The following SLC35F3 variants were observed in gnomAD, a reference collection of about 807,000 sequenced individuals.
SLC35F3 encodes solute carrier family 35 member F3, also known as putative thiamine transporter SLC35F3.
SLC35F3 carries 25 observed loss-of-function variants against 49.9 expected under a neutral mutation model. The ratio of observed to expected loss-of-function variants is 0.50; its 90% CI spans 0.37 to 0.70. SLC35F3 has a LOEUF of 0.70. SLC35F3 is among the 30% of genes least tolerant of loss of function. The pLI is 0.00. For missense variants in SLC35F3, 525 were observed against 639.8 expected (o/e 0.82, Z 1.94); for synonymous variants, 275 against 265.4 (o/e 1.04, Z -0.35).
intron 2 of SLC35F3, among the ~76,000 whole-genome samples, chr1:234,188,643 C>A (rs1666683422): frequency 6.6e-6 from 1 of 152,156 alleles, no homozygotes; most frequent in South Asian, 2.1e-4. Context: ...AGGGCATATT[C>A]TCTTGGGAGT....
intron 2 of SLC35F3, among the ~76,000 whole-genome samples, chr1:234,098,337 T>TTAG (rs1665158481): frequency 9.1e-6 from 1 of 110,340 alleles, no homozygotes; most frequent in African/African-American, 3.6e-5. Flanking sequence ...GGTGATTGTG[T>TTAG]TGGTGGTGGT....
chr1:234,252,916 T>C (rs1357287126), intron 3 of SLC35F3, among the ~76,000 whole-genome samples: 1 of 152,204 alleles, frequency 6.6e-6, no homozygotes, highest in Non-Finnish European at 1.5e-5. Flanking sequence ...ACGATAAAGT[T>C]TGAACATGAT....
chr1:234,313,976 C>T (rs1249754901), intron 4 of SLC35F3, among the ~76,000 whole-genome samples: 1 of 152,222 alleles, frequency 6.6e-6, no homozygotes, highest in Non-Finnish European at 1.5e-5. Flanking sequence ...CCCTGCTGTG[C>T]TCCACAGGGT....
At chr1:234,322,690 A>G (rs1386102685) in intron 7 of SLC35F3, among the ~76,000 whole-genome samples, 1 of 134,772 alleles carries the variant, frequency 7.4e-6, no homozygotes, top group Non-Finnish European at 1.6e-5. Context: ...TGTGTGTACT[A>G]TCTATCTCTC....
intron 2 of SLC35F3, among the ~76,000 whole-genome samples, chr1:234,076,139 G>A (rs995566992): frequency 2.0e-5 from 3 of 152,024 alleles, no homozygotes; most frequent in Admixed American, 6.5e-5. Context: ...AGGTAATAAT[G>A]GCAATAATTC....
intron 2 of SLC35F3, among the ~76,000 whole-genome samples, chr1:233,942,523 A>G (rs115036819): frequency 0.019 from 2,962 of 152,162 alleles, 48 homozygotes; most frequent in Middle Eastern, 0.051. Flanking sequence ...CTGGGCTCAA[A>G]TAATTCAGCC....
chr1:234,190,927 A>C (rs1008586707), intron 2 of SLC35F3, among the ~76,000 whole-genome samples: 2 of 149,408 alleles, frequency 1.3e-5, no homozygotes, highest in African/African-American at 5.2e-5. Flanking sequence ...AGGAAAGGCT[A>C]GCATGGGGAA....
intron 3 of SLC35F3, among the ~76,000 whole-genome samples, chr1:234,235,912 T>C (rs766188118): frequency 6.6e-5 from 10 of 152,292 alleles, no homozygotes; most frequent in Middle Eastern, 3.4e-3. Context: ...TTATCGGCCA[T>C]TTAAAATCTA....
intron 2 of SLC35F3, among the ~76,000 whole-genome samples, chr1:233,971,293 G>A (rs990928213): frequency 1.3e-5 from 2 of 152,196 alleles, no homozygotes; most frequent in Non-Finnish European, 2.9e-5. Context: ...ACCTCATTAC[G>A]AAGGAGAAGA....
chr1:234,201,928 AAAAG>A (rs1242093207), intron 2 of SLC35F3, among the ~76,000 whole-genome samples: 9 of 152,170 alleles, frequency 5.9e-5, no homozygotes, highest in Non-Finnish European at 8.8e-5. Context: ...AAAAAAAAAA[AAAAG>A]AAGGAGTTAA....
intron 2 of SLC35F3, among the ~76,000 whole-genome samples, chr1:233,947,771 A>G (rs575541118): frequency 1.1e-3 from 158 of 145,608 alleles, no homozygotes; most frequent in African/African-American, 3.8e-3. Flanking sequence ...AGAGAGAGAG[A>G]AGAGAGAGGA....
chr1:233,925,975 G>C (rs1445544988), intron 2 of SLC35F3, among the ~76,000 whole-genome samples: 2 of 152,156 alleles, frequency 1.3e-5, no homozygotes, highest in African/African-American at 4.8e-5. Context: ...CTCTCTTCTG[G>C]CTTGTAGAGT....
chr1:234,136,158 C>T (rs1413475955), intron 2 of SLC35F3, among the ~76,000 whole-genome samples: 4 of 151,816 alleles, frequency 2.6e-5, no homozygotes, highest in Non-Finnish European at 5.9e-5. Flanking sequence ...CCCATAGCAC[C>T]CTCCACCCTC....
intron 3 of SLC35F3, among the ~76,000 whole-genome samples, chr1:234,305,245 A>T (rs980041428): frequency 6.6e-6 from 1 of 152,340 alleles, no homozygotes; most frequent in African/African-American, 2.4e-5. Context: ...GGATTCTTTA[A>T]AGAGTACTAA....
intron 2 of SLC35F3, among the ~76,000 whole-genome samples, chr1:234,126,411 C>G (rs547285887): frequency 6.6e-6 from 1 of 152,116 alleles, no homozygotes; most frequent in East Asian, 1.9e-4. Flanking sequence ...TCTTGCAAAA[C>G]TGTAGTACCA....
intron 2 of SLC35F3, among the ~76,000 whole-genome samples, chr1:234,203,791 T>A (rs1440595473): frequency 6.6e-6 from 1 of 151,910 alleles, no homozygotes; most frequent in Non-Finnish European, 1.5e-5. Flanking sequence ...GTCAGAGAAG[T>A]CTCAAGGAAA....
At chr1:234,225,535 A>G (rs981027929) in intron 2 of SLC35F3, among the ~76,000 whole-genome samples, 2 of 152,188 alleles carry the variant, frequency 1.3e-5, no homozygotes, top group Non-Finnish European at 2.9e-5. Flanking sequence ...TTTGGACGCA[A>G]TTAGATGCAC....
intron 2 of SLC35F3, among the ~76,000 whole-genome samples, chr1:234,201,263 A>T (rs529514679): frequency 6.6e-5 from 10 of 152,332 alleles, no homozygotes; most frequent in African/African-American, 2.4e-4. Flanking sequence ...GGGTTTACCT[A>T]TATCATTTCT....
chr1:234,076,578 C>T (rs1379147057), intron 2 of SLC35F3, among the ~76,000 whole-genome samples: 2 of 151,838 alleles, frequency 1.3e-5, no homozygotes, highest in African/African-American at 4.8e-5. Flanking sequence ...TCTTCTGCCT[C>T]AGCCTACCAA....
Sources: gnomAD v4.1 joint callset for allele counts (sites outside exome capture counted in the v4.1 genomes callset) on GRCh38, gnomAD v4.1.1 for gene constraint, MANE v1.5 for transcripts, NCBI Gene and HGNC (gene_info 2026-07-23, HGNC 2026-07-21) for gene names.